Variants in ANK1 observed in about 807,000 individuals in gnomAD.
ANK1 encodes ankyrin-1.
ANK1 carries 51 observed loss-of-function variants against 210.4 expected under a neutral mutation model. That is an observed-to-expected ratio of 0.24 (90% CI 0.19 to 0.31). The LOEUF (loss-of-function observed/expected upper bound fraction) is 0.31. Among genes scored for constraint, ANK1 ranks in the 10% least tolerant of loss-of-function variants. The pLI is 1.00. For missense variants in ANK1, 2,051 were observed against 2,504.4 expected (o/e 0.82, Z 3.86); for synonymous variants, 967 against 1,025.9 (o/e 0.94, Z 1.10).
chr8:41,722,547 T>C (rs193102793), intron 9 of ANK1, among the ~76,000 whole-genome samples: 34 of 152,298 alleles, frequency 2.2e-4, no homozygotes, highest in Admixed American at 2.0e-4. Context: ...CTCGAGTCCT[T>C]ATGTCAGAGC....
chr8:41,688,296 CGGCCTGTGATGGATGT>C, intron 34 of ANK1, 66 bp from the exon 35 acceptor site: 1 of 1,541,026 alleles, frequency 6.5e-7, no homozygotes, highest in Non-Finnish European at 9.0e-7. Flanking sequence ...CCTGAGGACA[CGGCCTGTGATGGATGT>C]GGCTTCCGTG....
chr8:41,769,977 C>CTTTTTTTTTTTTTTTTTTTTTT (rs59542968), intron 1 of ANK1, among the ~76,000 whole-genome samples: 81 of 86,620 alleles, frequency 9.4e-4, no homozygotes, highest in East Asian at 2.2e-3. Context: ...TTTCTTTTTT[C>CTTTTTTTTTTTTTTTTTTTTTT]TTTTTTTTTT....
At chr8:41,745,600 C>A (rs1310960168) in intron 2 of ANK1, among the ~76,000 whole-genome samples, 1 of 152,052 alleles carries the variant, frequency 6.6e-6, no homozygotes, top group Admixed American at 6.6e-5. Flanking sequence ...GGGGGTAATT[C>A]TGGGGTCTAA....
intron 37 of ANK1, among the ~76,000 whole-genome samples, chr8:41,683,784 G>A (rs979192911): frequency 2.0e-5 from 3 of 152,174 alleles, no homozygotes; most frequent in Non-Finnish European, 4.4e-5. Context: ...TTATGTGCCC[G>A]CTGGCCAGAG....
rs575817 is a variant in ANK1, at chr8:41,717,218, A to C, written c.1306-167T>G. ...CCTGGTATGTGTGCATGTGTGCATG[A>C]GCATGTATGTGTGTATGTGTGTGTG... On this transcript the variant is annotated intron_variant, in intron 12 of 42. Coordinates refer to ENST00000289734, the MANE Select transcript of ANK1 (RefSeq NM_000037.4). Among the ~76,000 whole-genome samples the C allele has an allele frequency of 1, 152,230 of 152,332 alleles. 76,065 individuals carry two copies. The highest frequency in any genetic ancestry group is 1 in the Middle Eastern group (294 of 294).
intron 37 of ANK1, among the ~76,000 whole-genome samples, chr8:41,674,321 ACACT>A (rs1813475141): frequency 6.6e-6 from 1 of 152,144 alleles, no homozygotes; most frequent in Non-Finnish European, 1.5e-5. Context: ...ACACACTCAC[ACACT>A]CTCTCTCACC....
chr8:41,689,456 GTTCACC>G (rs1346697481), intron 33 of ANK1, among the ~76,000 whole-genome samples: 2 of 152,096 alleles, frequency 1.3e-5, no homozygotes, highest in African/African-American at 4.8e-5. Context: ...AAAGAAGTTG[GTTCACC>G]CTCATCTCAT....
chr8:41,699,209 A>G (rs769913049), intron 23 of ANK1, among the ~76,000 whole-genome samples: 1 of 151,918 alleles, frequency 6.6e-6, no homozygotes, highest in Non-Finnish European at 1.5e-5. Flanking sequence ...CCTGGGTGGG[A>G]GAGGAGGGGA....
At chr8:41,720,927 A>T (rs886506249) in intron 9 of ANK1, among the ~76,000 whole-genome samples, 2 of 152,160 alleles carry the variant, frequency 1.3e-5, no homozygotes, top group African/African-American at 4.8e-5. Context: ...AGGAGGCTGG[A>T]GCTGCGCCAA....
Position 41,840,720 on chromosome 8 carries a change from G to C in ANK1, c.126+55635C>G, listed in dbSNP as rs141503209. 9.6e-4 allele frequency among the ~76,000 whole-genome samples: 146 copies of C among 152,322 alleles called. 1 individual carries two copies. Among genetic ancestry groups the C allele is most frequent in the African/African-American group, 3.4e-3 (141 of 41,576 alleles). ...CCCAAAGGTGGGGTCTCCAAAGACC[G>C]CCACACTGGGAACTAGAGCTTCAAT... On this transcript the variant is annotated intron_variant, in intron 1 of 42. Transcript: ENST00000265709.
chr8:41,749,347 G>A (rs1837077264), intron 2 of ANK1, among the ~76,000 whole-genome samples: 1 of 145,488 alleles, frequency 6.9e-6, no homozygotes, highest in African/African-American at 2.5e-5. Context: ...GCCCAGGCTG[G>A]AGTGCAGTGG....
At chr8:41,716,314 T>A (rs1029499134) in intron 13 of ANK1, among the ~76,000 whole-genome samples, 1 of 151,646 alleles carries the variant, frequency 6.6e-6, no homozygotes, top group Non-Finnish European at 1.5e-5. Flanking sequence ...GTCAGGGGAG[T>A]CTCAACTGCT....
chr8:41,700,257 C>T (rs185642077), intron 22 of ANK1, among the ~76,000 whole-genome samples: 3 of 152,206 alleles, frequency 2.0e-5, no homozygotes, highest in Non-Finnish European at 2.9e-5. Flanking sequence ...GAGGTGCCCG[C>T]CAGGCATGGG....
intron 42 of ANK1, among the ~76,000 whole-genome samples, chr8:41,658,595 A>C (rs1388193372): frequency 6.6e-6 from 1 of 152,168 alleles, no homozygotes; most frequent in African/African-American, 2.4e-5. Context: ...TGTTCTATAA[A>C]TTAGTCGCTG....
rs1563448369 is a variant in ANK1, at chr8:41,693,912, AGCAGGC to A, written c.3512_3517del (p.Arg1171_Leu1172del). The stretch of plus-strand genomic sequence containing the variant: ...GCCCCTCTCACCAATGACGCTGCAA[AGCAGGC>A]GCAGGCTGGTGGTGTCTCCCTCCCC... On this transcript the variant is annotated inframe_deletion, in exon 29 of 43. Transcript: ENST00000289734. The A allele has an allele frequency of 6.2e-7, 1 of 1,610,564 alleles. No homozygotes were observed. Among genetic ancestry groups the A allele is most frequent in the East Asian group, 2.2e-5 (1 of 44,786 alleles).
intron 14 of ANK1, among the ~76,000 whole-genome samples, chr8:41,715,293 A>G (rs547293933): frequency 6.6e-6 from 1 of 152,214 alleles, no homozygotes; most frequent in South Asian, 2.1e-4. Context: ...GGTCTCAACC[A>G]CCTCACAGTG....
At chr8:41,835,140 C>T (rs368507226) in intron 1 of ANK1, among the ~76,000 whole-genome samples, 71 of 152,316 alleles carry the variant, frequency 4.7e-4, no homozygotes, top group South Asian at 4.1e-4. Flanking sequence ...ATTGGAGGGC[C>T]GGGGGTCCCT....
At chr8:41,699,215 G>A (rs1821970300) in intron 23 of ANK1, among the ~76,000 whole-genome samples, 1 of 152,166 alleles carries the variant, frequency 6.6e-6, no homozygotes, top group Admixed American at 6.5e-5. Context: ...TGGGAGAGGA[G>A]GGGAGCCTGG....
At chr8:41,658,204 C>T (rs1173418357) in intron 42 of ANK1, among the ~76,000 whole-genome samples, 2 of 152,134 alleles carry the variant, frequency 1.3e-5, no homozygotes. Flanking sequence ...AACTCAGCAA[C>T]CATCATAACC....
Sources: gnomAD v4.1 joint callset for allele counts (sites outside exome capture counted in the v4.1 genomes callset) on GRCh38, gnomAD v4.1.1 for gene constraint, MANE v1.5 for transcripts, NCBI Gene and HGNC (gene_info 2026-07-23, HGNC 2026-07-21) for gene names.